VAV2: variants seen among roughly 807,000 people sequenced by gnomAD.
The protein encoded by VAV2 is vav guanine nucleotide exchange factor 2, also known as guanine nucleotide exchange factor VAV2.
In VAV2, 67 loss-of-function variants were observed where a neutral mutation model predicts 132.5. The ratio of observed to expected loss-of-function variants is 0.51; its 90% CI spans 0.42 to 0.62. VAV2 has a LOEUF of 0.62. Ranked by LOEUF, VAV2 falls within the 20% of genes least tolerant of loss-of-function variation. VAV2 has a pLI of 0.00. For missense variants in VAV2, 938 were observed against 1,153.6 expected (o/e 0.81, Z 2.71); for synonymous variants, 492 against 443.5 (o/e 1.11, Z -1.37).
At chr9:133,851,782 T>C (rs969280399) in intron 3 of VAV2, among the ~76,000 whole-genome samples, 17 of 148,694 alleles carry the variant, frequency 1.1e-4, no homozygotes, top group African/African-American at 4.0e-4. Context: ...GGTGGGTAAA[T>C]AAATGGATGG....
chr9:133,981,813 C>T (rs530967322), intron 1 of VAV2, among the ~76,000 whole-genome samples: 63 of 152,292 alleles, frequency 4.1e-4, no homozygotes, highest in Middle Eastern at 3.4e-3. Flanking sequence ...ATTCCAGACA[C>T]GAGGAGCCCG....
intron 29 of VAV2, among the ~76,000 whole-genome samples, chr9:133,766,660 GGTTA>G (rs780920452): frequency 1.3e-5 from 2 of 150,902 alleles, no homozygotes; most frequent in Admixed American, 6.6e-5. Flanking sequence ...ATGTAAATTA[GGTTA>G]GTTAATGGGT....
In VAV2 at chr9:133,770,411, G is replaced by A. The variant is rs1174972227; in HGVS notation, c.2314C>T (p.Arg772Cys). 1.3e-5 allele frequency: 21 copies of A among 1,614,016 alleles called. No homozygotes were observed. In the Admixed American group the frequency reaches 1.7e-4, roughly 13 times the overall value. ...CGGCTGGAGGCCCTGGAGGCCGAAC[G>A]TTCCCGGGACTTGTAGGGGTACTTG... is the stretch of plus-strand genomic sequence containing the variant. ...TLKYPYKSRERSASRASSRSP... is the reference protein window; with the variant it reads ...TLKYPYKSRECSASRASSRSP... Residue 772 changes from arginine (R) to cysteine (C), a missense_variant, in exon 27 of 30, where the codon CGT (arginine) becomes TGT (cysteine). Transcript: ENST00000371850.
rs139287007 is a variant in VAV2, at chr9:133,890,629, G to C, written c.322-29197C>G. On this transcript the variant is annotated intron_variant, in intron 2 of 29. Transcript: ENST00000371850. ...CACTCCCCACCCTCCCTTGCAGAAA[G>C]GAATGGCCCCAGAACCACGCTCTGG... Among the ~76,000 whole-genome samples, 58 of 152,194 alleles carry C rather than the reference G, an allele frequency of 3.8e-4. No individual in the cohort carries two copies. The Middle Eastern group carries it at 0.01, about 27-fold the overall frequency.
chr9:133,989,028 G>A (rs1055618419), intron 1 of VAV2, among the ~76,000 whole-genome samples: 5 of 150,390 alleles, frequency 3.3e-5, no homozygotes, highest in African/African-American at 7.4e-5. Flanking sequence ...TGGCCAACAC[G>A]GTAAAACCCC....
At chr9:133,860,074 G>A (rs1185722121) in intron 3 of VAV2, among the ~76,000 whole-genome samples, 1 of 152,116 alleles carries the variant, frequency 6.6e-6, no homozygotes, top group Non-Finnish European at 1.5e-5. Context: ...AGGCTGAGGT[G>A]GGCAGATCAC....
At chr9:133,877,637 C>T (rs923161455) in intron 2 of VAV2, among the ~76,000 whole-genome samples, 6 of 152,138 alleles carry the variant, frequency 3.9e-5, no homozygotes, top group Admixed American at 3.9e-4. Flanking sequence ...GCCTCAGCCT[C>T]CCGACTGAGC....
chr9:133,789,101 G>A (rs923035852), intron 14 of VAV2, among the ~76,000 whole-genome samples, 157 bp downstream of exon 14: 5 of 152,226 alleles, frequency 3.3e-5, no homozygotes, highest in Non-Finnish European at 5.9e-5. Context: ...TGACGAGAAG[G>A]AAGGAAGCAA....
At position 133,876,931 on chromosome 9, in the gene VAV2, C is replaced by T. The variant is rs555333997; in HGVS notation, c.322-15499G>A. 5.9e-5 allele frequency among the ~76,000 whole-genome samples: 9 copies of T among 152,198 alleles called. No individual in the cohort carries two copies. In the East Asian group the frequency reaches 1.2e-3, roughly 20 times the overall value. ...GGGAGGCTGGCCACCGGGGTCTGGA[C>T]GCACAGTGGCCAGCTACAGAGGGGA... On this transcript the variant is annotated intron_variant, in intron 2 of 29. Coordinates refer to ENST00000371850, the MANE Select transcript of VAV2 (RefSeq NM_001134398.2).
chr9:133,874,882 C>T (rs963730908), intron 2 of VAV2, among the ~76,000 whole-genome samples: 51 of 152,148 alleles, frequency 3.4e-4, no homozygotes, highest in African/African-American at 1.1e-3. Context: ...CTCATGGAGC[C>T]AGGCGCTGTG....
intron 1 of VAV2, among the ~76,000 whole-genome samples, chr9:133,970,394 AG>A (rs1160060689): frequency 2.0e-5 from 3 of 152,190 alleles, no homozygotes; most frequent in Non-Finnish European, 4.4e-5. Context: ...GCTGGGAGCC[AG>A]GGACCTTGGC....
At chr9:133,789,432 AG>A in intron 13 of VAV2, 89 bp from the exon 14 acceptor site, 2 of 1,237,006 alleles carry the variant, frequency 1.6e-6, no homozygotes, top group Admixed American at 1.8e-5. Context: ...CGTGCACCCA[AG>A]GGAACTCCCC....
chr9:133,818,365 CAAAAA>C (rs34171114), intron 4 of VAV2, among the ~76,000 whole-genome samples: 1 of 99,664 alleles, frequency 1.0e-5, no homozygotes, highest in Non-Finnish European at 2.1e-5. Context: ...GACTCCATCT[CAAAAA>C]AAAAAAAAAA....
chr9:133,960,085 T>A (rs755003021), intron 1 of VAV2, among the ~76,000 whole-genome samples: 1 of 152,282 alleles, frequency 6.6e-6, no homozygotes, highest in Non-Finnish European at 1.5e-5. Context: ...GCATCCTCTT[T>A]GCCATCGCCC....
At chr9:133,793,956 CATG>C (rs928171493) in intron 12 of VAV2, among the ~76,000 whole-genome samples, 6 of 152,116 alleles carry the variant, frequency 3.9e-5, no homozygotes, top group African/African-American at 7.2e-5. Context: ...CCTGAAGTTT[CATG>C]ATGAGGTTCG....
chr9:133,827,659 G>A (rs111563994), intron 4 of VAV2, among the ~76,000 whole-genome samples: 2 of 73,924 alleles, frequency 2.7e-5, no homozygotes, highest in Non-Finnish European at 6.3e-5. Flanking sequence ...CTACCGCTGC[G>A]CCCACTGGGG....
intron 10 of VAV2, among the ~76,000 whole-genome samples, chr9:133,796,772 C>T (rs1029125206): frequency 6.6e-5 from 10 of 152,112 alleles, no homozygotes; most frequent in East Asian, 3.9e-4. Context: ...GAGACACGTG[C>T]GATGCTACGG....
intron 2 of VAV2, among the ~76,000 whole-genome samples, chr9:133,874,786 C>T (rs973083848): frequency 3.3e-5 from 5 of 152,112 alleles, no homozygotes; most frequent in African/African-American, 1.2e-4. Flanking sequence ...TCTACACAGG[C>T]AGATTCCCAT....
At chr9:133,900,393 C>T (rs560371212) in intron 2 of VAV2, among the ~76,000 whole-genome samples, 1 of 152,114 alleles carries the variant, frequency 6.6e-6, no homozygotes, top group Admixed American at 6.6e-5. Flanking sequence ...GCCTCTTCCC[C>T]CAAGCAGGTC....
Sources: gnomAD v4.1 joint callset for allele counts (sites outside exome capture counted in the v4.1 genomes callset) on GRCh38, gnomAD v4.1.1 for gene constraint, MANE v1.5 for transcripts, NCBI Gene and HGNC (gene_info 2026-07-23, HGNC 2026-07-21) for gene names.